The following MLKL variants were observed in gnomAD, a reference collection of about 807,000 sequenced individuals.
The protein encoded by MLKL is mixed lineage kinase domain-like protein.
A neutral mutation model predicts 56.5 loss-of-function variants in MLKL; 55 were observed. That is an observed-to-expected ratio of 0.97 (90% CI 0.78 to 1.22). The LOEUF (loss-of-function observed/expected upper bound fraction) is 1.22, where lower values mean the gene tolerates loss of function less well. MLKL is among the 50% of genes most tolerant of loss of function. The pLI, the probability that MLKL is intolerant of heterozygous loss-of-function variation, is 0.00. For synonymous variants in MLKL, 251 were observed against 208.3 expected (o/e 1.20, Z -1.76); for missense variants, 694 against 573.9 (o/e 1.21, Z -2.14).
In MLKL at chr16:74,682,697, C is replaced by G; in HGVS notation, c.910G>C (p.Gly304Arg). 1 of 1,614,168 alleles carries G rather than the reference C, an allele frequency of 6.2e-7. No homozygotes were observed. ...CCCAGGACTAGGACCATGCGCTTGC[C>G]AAGTGTGAGGTCTTTTTCCCTATCC... Reference protein sequence around the residue: ...LLDREKDLTLGKRMVLVLGAA... With the variant: ...LLDREKDLTLRKRMVLVLGAA... Residue 304 changes from glycine to arginine, a missense_variant, in exon 6 of 11, where the codon GGC becomes CGC. Transcript: ENST00000308807.
At chr16:74,693,294 C>G (rs980470913) in intron 2 of MLKL, among the ~76,000 whole-genome samples, 6 of 151,340 alleles carry the variant, frequency 4.0e-5, no homozygotes, top group Non-Finnish European at 7.4e-5. Context: ...ATAGTGAAAC[C>G]CCGTCTCTAC....
chr16:74,695,692 T>C lies in MLKL; in HGVS notation c.66A>G (p.Lys22=), dbSNP rs369388500. 8 of 1,613,962 alleles carry C rather than the reference T, an allele frequency of 5.0e-6. No individual in the cohort carries two copies. The highest frequency in any genetic ancestry group is 5.9e-6 in the Non-Finnish European group (7 of 1,180,028). The change falls in exon 2 of 11, where the codon AAA becomes AAG. Residue 22 remains lysine (K), a synonymous_variant. Transcript: ENST00000308807. ...QVIHKRCEEM[K]YCKKQCRRLG... is the part of the protein sequence containing the mutation. ...GGCGCCGGCACTGTTTCTTGCAGTA[T>C]TTCATCTCTTCACACCGTTTGTGGA...
intron 4 of MLKL, 114 bp from the exon 5 acceptor site, chr16:74,685,697 A>G: frequency 1.3e-6 from 1 of 757,820 alleles, no homozygotes. Flanking sequence ...ATCTGGGGTG[A>G]GAACTGGTGC....
chr16:74,698,212 A>G (rs1481981557), intron 1 of MLKL, among the ~76,000 whole-genome samples: 1 of 152,166 alleles, frequency 6.6e-6, no homozygotes, highest in Non-Finnish European at 1.5e-5. Flanking sequence ...GTGTCTCAAA[A>G]ACACCACCAC....
At chr16:74,689,650 T>G (rs544555349) in intron 4 of MLKL, among the ~76,000 whole-genome samples, 1 of 152,176 alleles carries the variant, frequency 6.6e-6, no homozygotes, top group Admixed American at 6.5e-5. Flanking sequence ...CAAAGTCATA[T>G]GAAAAAAACA....
At chr16:74,676,257 T>C in intron 7 of MLKL, 1 of 990,386 alleles carries the variant, frequency 1.0e-6, no homozygotes, top group Non-Finnish European at 1.2e-6. Flanking sequence ...CCTTTGGCTT[T>C]GGCGTGACGA....
Position 74,695,332 on chromosome 16 carries a change from G to T in MLKL, c.426C>A (p.Asp142Glu). The part of the protein sequence containing the change: ...SWAQEDQQDA[D>E]EDRRAFQMLR... ...GCATCTGGAAAGCTCGCCTGTCTTC[G>T]TCTGCATCCTGCTGATCTTCCTGTG... The change falls in exon 2 of 11, where the codon GAC becomes GAA. Residue 142 changes from aspartate (D) to glutamate (E), a missense_variant. Physicochemically the swap from Asp to Glu is conservative, Grantham distance 45. Transcript: ENST00000308807. 6.2e-7 allele frequency: 1 copy of T among 1,614,102 alleles called. No individual in the cohort carries two copies. Among genetic ancestry groups the T allele is most frequent in the South Asian group, 1.1e-5 (1 of 91,082 alleles).
rs779376166 is a variant in MLKL, at chr16:74,675,419, A to C, written c.1191-15T>G. On this transcript the variant is annotated splice_polypyrimidine_tract_variant and intron_variant, in intron 8 of 10. Transcript: ENST00000308807. ...CGATTCCAAAGCTAAAAGAAAACCA[A>C]GAAACTGAACAACCATAACTAGTCT... 1.2e-6 allele frequency: 2 copies of C among 1,613,062 alleles called. No individual in the cohort carries two copies. The highest frequency in any genetic ancestry group is 2.7e-5 in the African/African-American group (2 of 75,056).
rs1400553059 is a variant in MLKL at position 74,691,253 on chromosome 16, A to G, written c.722+24T>C. The G allele has an allele frequency of 3.8e-6, 6 of 1,588,968 alleles. No homozygotes were observed. In the Admixed American group the frequency reaches 8.8e-5, roughly 23 times the overall value. On this transcript the variant is annotated intron_variant, in intron 4 of 10. Coordinates refer to ENST00000308807, the MANE Select transcript of MLKL (RefSeq NM_152649.4). ...GTTAGAGTAAGTATTGGTACACACG[A>G]GAGAACCACACAAAACAACTTACGC...
Position 74,682,563 on chromosome 16 carries a change from C to G in MLKL, c.956+88G>C, listed in dbSNP as rs1960043471. 3.2e-6 allele frequency: 5 copies of G among 1,538,744 alleles called. No homozygotes were observed. The East Asian group carries it at 1.1e-4, about 35-fold the overall frequency. The stretch of plus-strand genomic sequence containing the variant: ...ATGGGAGGGAGACTGTCTGGGGCGT[C>G]TGGCCTGTTCTCTCACCATCTCTGG... On this transcript the variant is annotated intron_variant, in intron 6 of 10. Transcript: ENST00000308807.
intron 4 of MLKL, among the ~76,000 whole-genome samples, chr16:74,690,468 A>C (rs1437033799): frequency 6.6e-6 from 1 of 152,154 alleles, no homozygotes; most frequent in Non-Finnish European, 1.5e-5. Context: ...GAAAAGTTGG[A>C]AGCTGACTAG....
chr16:74,685,664 T>C, intron 4 of MLKL, 81 bp from the exon 5 acceptor site: 1 of 1,093,252 alleles, frequency 9.1e-7, no homozygotes. Flanking sequence ...ACCCTCTGTG[T>C]ATGTGGGGGC....
At chr16:74,678,855 G>T in intron 7 of MLKL, 44 bp downstream of exon 7, 1 of 1,413,380 alleles carries the variant, frequency 7.1e-7, no homozygotes, top group Non-Finnish European at 1.0e-6. Context: ...CATAGCACCA[G>T]TCATGCAGGT....
chr16:74,675,379 C>T lies in MLKL; in HGVS notation c.1216G>A (p.Ala406Thr), dbSNP rs1785988446. The T allele has an allele frequency of 2.5e-6, 4 of 1,613,956 alleles. No individual in the cohort carries two copies. Among genetic ancestry groups the T allele is most frequent in the Admixed American group, 1.7e-5 (1 of 59,996 alleles). Residue 406 changes from alanine (A) to threonine (T), a missense_variant, in exon 9 of 11, where the codon GCC becomes ACC. Ala to Thr is a moderately conservative substitution (Grantham distance 58). Coordinates refer to ENST00000308807, the MANE Select transcript of MLKL (RefSeq NM_152649.4). Reference sequence around the variant, plus strand: ...CCTTGAAACGGGATATCTCCAGTGGCGATTTCCCAGAGGACGATTCCAAAG... The same window carrying T: ...CCTTGAAACGGGATATCTCCAGTGGTGATTTCCCAGAGGACGATTCCAAAG... ...YSFGIVLWEIATGDIPFQGCN... is the reference protein window; with the variant it reads ...YSFGIVLWEITTGDIPFQGCN...
chr16:74,673,322 A>G (rs974335847), intron 10 of MLKL, among the ~76,000 whole-genome samples: 1 of 152,056 alleles, frequency 6.6e-6, no homozygotes, highest in Non-Finnish European at 1.5e-5. Flanking sequence ...GGTTCAAGCA[A>G]TTCTCCTGCC....
Position 74,675,674 on chromosome 16 carries a change from G to C in MLKL, c.1129C>G (p.Leu377Val). 6.2e-7 allele frequency: 1 copy of C among 1,614,072 alleles called. No individual in the cohort carries two copies. The highest frequency in any genetic ancestry group is 8.5e-7 in the Non-Finnish European group (1 of 1,179,974). Residue 377 changes from leucine to valine, a missense_variant, in exon 8 of 11, where the codon CTC (leucine) becomes GTC (valine). Physicochemically the swap from Leu to Val is conservative, Grantham distance 32. Coordinates refer to ENST00000308807, the MANE Select transcript of MLKL (RefSeq NM_152649.4). ...ACATCTTCCAGTTCCTGAGGTGAGA[G>C]ATATGCTGTAGATTTGACTCTGTCT... The part of the protein sequence containing the change: ...KTDRVKSTAY[L>V]SPQELEDVFY...
rs1960954642 is a variant in MLKL, at chr16:74,695,230, TG to T, written c.460+67del. On this transcript the variant is annotated intron_variant, in intron 2 of 10. Coordinates refer to ENST00000308807, the MANE Select transcript of MLKL (RefSeq NM_152649.4). ...TCAAACTTCATCATTGCTGCTCCTTTGGTAAATTAAAGTGAGACTAAAATGC... is the reference window on the plus strand; with the variant it reads ...TCAAACTTCATCATTGCTGCTCCTTTGTAAATTAAAGTGAGACTAAAATGC... The T allele has an allele frequency of 2.7e-6, 4 of 1,479,726 alleles. No individual in the cohort carries two copies. The East Asian group carries it at 9.1e-5, about 34-fold the overall frequency. 91.7% of individuals were successfully genotyped at this position (1,479,726 alleles called of 1,614,324 possible). A position where few individuals can be genotyped will look rare whatever the true frequency, so the allele number is the denominator to read the frequency against.
chr16:74,675,510 T>A (rs1959539867), intron 8 of MLKL, 103 bp downstream of exon 8: 2 of 1,569,734 alleles, frequency 1.3e-6, no homozygotes, highest in Non-Finnish European at 1.7e-6. Context: ...ACTACCCAAT[T>A]TCATTCAACA....
chr16:74,675,817 T>C, intron 7 of MLKL, 53 bp from the exon 8 acceptor site: 1 of 1,580,178 alleles, frequency 6.3e-7, no homozygotes, highest in Non-Finnish European at 8.7e-7. Flanking sequence ...GGTAGAGGAG[T>C]AAAGGGCAGG....
Sources: allele counts gnomAD v4.1 joint callset (sites outside exome capture counted in the v4.1 genomes callset), GRCh38; gene constraint gnomAD v4.1.1; transcripts MANE v1.5; gene names NCBI Gene and HGNC (gene_info 2026-07-23, HGNC 2026-07-21).